Variants in MYRIP observed in about 807,000 individuals in gnomAD.
MYRIP encodes the protein myosin VIIA and Rab interacting protein.
MYRIP carries 49 observed loss-of-function variants against 98.0 expected under a neutral mutation model. The observed-to-expected ratio is 0.50, with a 90% CI of 0.40 to 0.63. The LOEUF is 0.63. Among genes scored for constraint, MYRIP ranks in the 30% least tolerant of loss-of-function variants. The probability of loss-of-function intolerance (pLI) is 0.00; values close to 1 mark genes in which losing one functional copy is unlikely to be tolerated. For missense variants in MYRIP, 1,004 were observed against 1,058.2 expected (o/e 0.95, Z 0.71); for synonymous variants, 404 against 409.5 (o/e 0.99, Z 0.16).
chr3:39,904,536 G>A (rs1034504797), intron 2 of MYRIP, among the ~76,000 whole-genome samples: 2 of 152,080 alleles, frequency 1.3e-5, no homozygotes, highest in African/African-American at 4.8e-5. Flanking sequence ...GCGCCTGGTC[G>A]TGTTTTTTTT....
At chr3:40,061,772 T>TGTTC (rs1196557612) in intron 3 of MYRIP, among the ~76,000 whole-genome samples, 3 of 151,972 alleles carry the variant, frequency 2.0e-5, no homozygotes, top group African/African-American at 7.3e-5. Context: ...TTTGTTTGTT[T>TGTTC]AACTTTTTAT....
chr3:40,089,559 GC>G (rs1948701050), intron 3 of MYRIP, among the ~76,000 whole-genome samples: 1 of 152,170 alleles, frequency 6.6e-6, no homozygotes, highest in Non-Finnish European at 1.5e-5. Context: ...GTGCCTAAAT[GC>G]TAGAAGTGTT....
intron 2 of MYRIP, among the ~76,000 whole-genome samples, chr3:40,017,425 G>A (rs1303195404): frequency 6.6e-6 from 1 of 152,170 alleles, no homozygotes; most frequent in Non-Finnish European, 1.5e-5. Flanking sequence ...TTCTCATTAG[G>A]TAGGGCTTGC....
intron 16 of MYRIP, among the ~76,000 whole-genome samples, chr3:40,256,613 A>G (rs1037083697): frequency 6.6e-6 from 1 of 152,176 alleles, no homozygotes; most frequent in Non-Finnish European, 1.5e-5. Context: ...TATATATACA[A>G]TGTGATGTAA....
rs1418659107 is a variant in MYRIP at position 40,190,101 on chromosome 3, C to T, written c.1303C>T (p.Pro435Ser). Residue 435 changes from proline to serine, a missense_variant, in exon 10 of 17, where the codon CCC becomes TCC. Physicochemically the swap from Pro to Ser is moderately conservative, Grantham distance 74 (BLOSUM62 -1). Around this residue, in one of 3 missense-constraint regions of MYRIP, gnomAD observed 880 missense variants for 907.7 expected, o/e 0.97. Transcript: ENST00000302541. Reference protein sequence around the residue: ...PTQAQSSDQGPIAASPSSALS... With the variant: ...PTQAQSSDQGSIAASPSSALS... ...ACAGGCCCAGAGCTCTGACCAAGGC[C>T]CCATAGCTGCCTCCCCATCCTCTGC... The T allele has an allele frequency of 6.2e-7, 1 of 1,613,876 alleles. No individual in the cohort carries two copies. Among genetic ancestry groups the T allele is most frequent in the Non-Finnish European group, 8.5e-7 (1 of 1,179,960 alleles).
At chr3:39,988,734 T>G (rs935113847) in intron 2 of MYRIP, among the ~76,000 whole-genome samples, 1 of 152,042 alleles carries the variant, frequency 6.6e-6, no homozygotes, top group East Asian at 1.9e-4. Context: ...TTCTCTAATC[T>G]TGTCTGCATG....
intron 2 of MYRIP, among the ~76,000 whole-genome samples, chr3:39,973,829 A>G (rs1206535952): frequency 6.6e-6 from 1 of 152,222 alleles, no homozygotes; most frequent in Non-Finnish European, 1.5e-5. Flanking sequence ...GAAGGCAGAA[A>G]TAAAGATGTT....
At position 40,119,495 on chromosome 3, in the gene MYRIP, G is replaced by A. The variant is rs1949352669; in HGVS notation, c.333-31553G>A. On this transcript the variant is annotated intron_variant, in intron 3 of 16. Transcript: ENST00000302541. ...AAGTGCACAAGTAACTGATAATATT[G>A]TTTGCCTCTGGAGACGGGAACTGGA... is the stretch of plus-strand genomic sequence containing the variant. Among the ~76,000 whole-genome samples the A allele has an allele frequency of 2.6e-5, 4 of 152,182 alleles. No individual in the cohort carries two copies. The South Asian group carries it at 8.3e-4, about 32-fold the overall frequency.
chr3:39,963,571 C>G (rs1436623450), intron 2 of MYRIP, among the ~76,000 whole-genome samples: 2 of 152,102 alleles, frequency 1.3e-5, no homozygotes, highest in Non-Finnish European at 2.9e-5. Flanking sequence ...GCAGGGATGA[C>G]CCCCTGCTTC....
intron 2 of MYRIP, among the ~76,000 whole-genome samples, chr3:39,958,800 C>T (rs968141242): frequency 6.6e-6 from 1 of 152,134 alleles, no homozygotes; most frequent in African/African-American, 2.4e-5. Flanking sequence ...GGCTAATATC[C>T]AGAATCTACA....
At chr3:39,910,969 G>A (rs1439464489) in intron 2 of MYRIP, among the ~76,000 whole-genome samples, 1 of 152,106 alleles carries the variant, frequency 6.6e-6, no homozygotes, top group Non-Finnish European at 1.5e-5. Context: ...TGTTGTCTCT[G>A]TCACGTGAAG....
intron 9 of MYRIP, among the ~76,000 whole-genome samples, chr3:40,187,161 A>C (rs1295140360): frequency 6.6e-6 from 1 of 152,244 alleles, no homozygotes; most frequent in African/African-American, 2.4e-5. Flanking sequence ...CAACAGATAT[A>C]AGCTAAAAAT....
chr3:40,092,211 A>G (rs1045891079), intron 3 of MYRIP, among the ~76,000 whole-genome samples: 1 of 152,162 alleles, frequency 6.6e-6, no homozygotes, highest in African/African-American at 2.4e-5. Flanking sequence ...TGAAGCTGCC[A>G]CTAAATCTTG....
chr3:40,186,594 G>T lies in MYRIP; in HGVS notation c.1028-3232G>T, dbSNP rs55875252. On this transcript the variant is annotated intron_variant, in intron 9 of 16. Coordinates refer to ENST00000302541, the MANE Select transcript of MYRIP (RefSeq NM_015460.4). Reference sequence around the variant, plus strand: ...CTCATTGGTTGAGGGCTGCTCCCAGGAGGCGATGAATCCTGGGTACTTCCA... The same window carrying T: ...CTCATTGGTTGAGGGCTGCTCCCAGTAGGCGATGAATCCTGGGTACTTCCA... 4.0e-3 allele frequency among the ~76,000 whole-genome samples: 611 copies of T among 152,274 alleles called. 1 individual carries two copies. Among genetic ancestry groups the T allele is most frequent in the African/African-American group, 0.014 (588 of 41,560 alleles).
chr3:40,128,341 C>G (rs147076362), intron 3 of MYRIP, among the ~76,000 whole-genome samples: 95 of 152,332 alleles, frequency 6.2e-4, no homozygotes, highest in Non-Finnish European at 1.3e-3. Context: ...GCATATCTGC[C>G]TTCCTACAGT....
At chr3:39,902,339 C>G (rs1450227139) in intron 2 of MYRIP, among the ~76,000 whole-genome samples, 1 of 152,180 alleles carries the variant, frequency 6.6e-6, no homozygotes, top group Non-Finnish European at 1.5e-5. Context: ...GTAGATGGAG[C>G]AGGGAAACTA....
At chr3:39,860,762 C>T (rs923255244) in intron 1 of MYRIP, among the ~76,000 whole-genome samples, 4 of 152,206 alleles carry the variant, frequency 2.6e-5, no homozygotes, top group Non-Finnish European at 4.4e-5. Flanking sequence ...CACTTGCCCA[C>T]GGCCACTCCC....
At chr3:40,160,888 C>T (rs983797718) in intron 4 of MYRIP, among the ~76,000 whole-genome samples, 1 of 152,160 alleles carries the variant, frequency 6.6e-6, no homozygotes, top group Non-Finnish European at 1.5e-5. Flanking sequence ...ACCCACTGAC[C>T]TGTGCCCACT....
chr3:40,177,069 T>C (rs1950783636), intron 8 of MYRIP, among the ~76,000 whole-genome samples: 1 of 149,514 alleles, frequency 6.7e-6, no homozygotes, highest in South Asian at 2.1e-4. Flanking sequence ...AGCAAGACCC[T>C]GTCTAAAAAA....
Sources: allele counts gnomAD v4.1 joint callset (sites outside exome capture counted in the v4.1 genomes callset), GRCh38; gene constraint gnomAD v4.1.1; regional missense constraint gnomAD v4.1.1; transcripts MANE v1.5; gene names NCBI Gene and HGNC (gene_info 2026-07-23, HGNC 2026-07-21).